Variants in DNMT3A observed in about 807,000 individuals in gnomAD.
DNMT3A encodes the protein DNA (cytosine-5)-methyltransferase 3A.
DNMT3A carries 267 observed loss-of-function variants against 117.6 expected under a neutral mutation model. The ratio of observed to expected loss-of-function variants is 2.27; its 90% CI spans 2.05 to 2.51. DNMT3A has a LOEUF of 2.51. Among genes scored for constraint, DNMT3A ranks in the 30% most tolerant of loss-of-function variants. DNMT3A has a pLI of 0.00. For synonymous variants in DNMT3A, 432 were observed against 474.8 expected, an observed-to-expected ratio of 0.91 and a Z score of 1.17; for missense variants, 1,029 against 1,260.2, an observed-to-expected ratio of 0.82 and a Z score of 2.78.
chr2:25,250,315 G>A (rs1223557377), intron 6 of DNMT3A, among the ~76,000 whole-genome samples: 5 of 152,152 alleles, frequency 3.3e-5, no homozygotes, highest in African/African-American at 1.2e-4. Context: ...GTTTCTTATG[G>A]CGATTCCGAA....
At chr2:25,300,720 T>G (rs1390704021) in intron 2 of DNMT3A, among the ~76,000 whole-genome samples, 35 of 8,868 alleles carry the variant, frequency 3.9e-3, no homozygotes, top group African/African-American at 0.018. Context: ...ATAATATATA[T>G]ATATATATAT....
chr2:25,297,395 CA>C (rs2149401497), intron 3 of DNMT3A, among the ~76,000 whole-genome samples: 1 of 152,256 alleles, frequency 6.6e-6, no homozygotes, highest in Admixed American at 6.5e-5. Flanking sequence ...CCCCGCCTCC[CA>C]GGGCTGCTGA....
At chr2:25,251,728 G>A (rs1675589050) in intron 6 of DNMT3A, among the ~76,000 whole-genome samples, 1 of 152,216 alleles carries the variant, frequency 6.6e-6, no homozygotes, top group African/African-American at 2.4e-5. Context: ...CCAGGAACTC[G>A]CAGGAGAGGA....
chr2:25,325,835 G>A (rs908752873), intron 1 of DNMT3A, among the ~76,000 whole-genome samples: 2 of 152,134 alleles, frequency 1.3e-5, no homozygotes, highest in African/African-American at 4.8e-5. Context: ...TCTTAAGAAC[G>A]TCCATGCCCA....
At chr2:25,272,234 G>A (rs146292510) in intron 6 of DNMT3A, among the ~76,000 whole-genome samples, 3 of 152,336 alleles carry the variant, frequency 2.0e-5, no homozygotes, top group East Asian at 1.9e-4. Flanking sequence ...TGATCCACCC[G>A]CCTCGGCCTC....
chr2:25,301,732 A>C (rs967439344), intron 2 of DNMT3A, among the ~76,000 whole-genome samples: 1 of 152,178 alleles, frequency 6.6e-6, no homozygotes, highest in African/African-American at 2.4e-5. Context: ...CAGATGGGCC[A>C]CAGGCTGCTC....
At chr2:25,341,626 T>C (rs1279449145) in intron 1 of DNMT3A, among the ~76,000 whole-genome samples, 200 bp downstream of exon 1, 2 of 144,442 alleles carry the variant, frequency 1.4e-5, no homozygotes, top group African/African-American at 5.0e-5. Flanking sequence ...AACCCTCAAA[T>C]CCCCCGCGCC....
At chr2:25,242,291 T>G (rs935460505) in intron 16 of DNMT3A, among the ~76,000 whole-genome samples, 1 of 152,030 alleles carries the variant, frequency 6.6e-6, no homozygotes, top group African/African-American at 2.4e-5. Flanking sequence ...CCTCCTTCAT[T>G]GTGCTTCCCC....
At chr2:25,301,063 G>A (rs766468781) in intron 2 of DNMT3A, among the ~76,000 whole-genome samples, 1 of 151,386 alleles carries the variant, frequency 6.6e-6, no homozygotes, top group Non-Finnish European at 1.5e-5. Context: ...GAGGTCAGGA[G>A]ATTGAGACCA....
chr2:25,235,073 A>T (rs1407932023), intron 22 of DNMT3A, among the ~76,000 whole-genome samples: 2 of 152,144 alleles, frequency 1.3e-5, no homozygotes, highest in Non-Finnish European at 2.9e-5. Flanking sequence ...TTGGTTTACA[A>T]AAGACCTATA....
At chr2:25,336,845 G>A (rs1339820993) in intron 1 of DNMT3A, among the ~76,000 whole-genome samples, 1 of 152,148 alleles carries the variant, frequency 6.6e-6, no homozygotes, top group Non-Finnish European at 1.5e-5. Context: ...CCCCACTTCT[G>A]TGCTCTGGGG....
chr2:25,340,549 G>A (rs1056442254), intron 1 of DNMT3A, among the ~76,000 whole-genome samples: 12 of 152,054 alleles, frequency 7.9e-5, no homozygotes, highest in African/African-American at 2.7e-4. Flanking sequence ...TGGGGGAGGG[G>A]AACTGGGGTG....
chr2:25,252,209 C>G lies in DNMT3A; in HGVS notation c.640-3957G>C. On this transcript the variant is annotated intron_variant, in intron 6 of 22. Coordinates refer to ENST00000321117, the MANE Select transcript of DNMT3A (RefSeq NM_022552.5). This position sits in a 1 kb window ranked among gnomAD's most constrained non-coding sequence, Gnocchi z 5.5. Reference sequence around the variant, plus strand: ...AGGAACCTACCCATAAGGCCAGGTGCAGCCCCTCTGCAGTCGCGCTCAGGT... The same window carrying G: ...AGGAACCTACCCATAAGGCCAGGTGGAGCCCCTCTGCAGTCGCGCTCAGGT... 1 of 1,562,592 alleles carries G rather than the reference C, an allele frequency of 6.4e-7. No individual in the cohort carries two copies. The highest frequency in any genetic ancestry group is 1.2e-5 in the South Asian group (1 of 84,274).
intron 6 of DNMT3A, among the ~76,000 whole-genome samples, chr2:25,274,048 C>A (rs1157510033): frequency 6.6e-6 from 1 of 152,204 alleles, no homozygotes; most frequent in Non-Finnish European, 1.5e-5. Flanking sequence ...CTCTGTCGCC[C>A]GTACTTCCCT....
intron 1 of DNMT3A, among the ~76,000 whole-genome samples, chr2:25,338,748 GC>G (rs2035304533): frequency 6.6e-6 from 1 of 152,196 alleles, no homozygotes. Context: ...TCCCCCGAGT[GC>G]AGGCCTGGCT....
rs1672948155 is a variant in DNMT3A at position 25,232,965 on chromosome 2, G to GA, written c.*1313dup. The stretch of plus-strand genomic sequence containing the variant: ...AACACACAAAAGGCGACTTAGACAG[G>GA]AAAGCACCAGTACGTTTTGTATGTT... On this transcript the variant is annotated 3_prime_UTR_variant, in exon 23 of 23. Transcript: ENST00000321117. The surrounding 1 kb of genome is among the most constrained non-coding windows in gnomAD (Gnocchi z 4.1). The GA allele has an allele frequency of 4.3e-6, 1 of 232,694 alleles. No homozygotes were observed. Among genetic ancestry groups the GA allele is most frequent in the Non-Finnish European group, 8.5e-6 (1 of 117,724 alleles). 14.4% of individuals were successfully genotyped at this position (232,694 alleles called of 1,614,324 possible). A position where few individuals can be genotyped will look rare whatever the true frequency, so the allele number is the denominator to read the frequency against.
At position 25,241,698 on chromosome 2, in the gene DNMT3A, A is replaced by T; in HGVS notation, c.1946T>A (p.Val649Glu). The T allele has an allele frequency of 6.2e-7, 1 of 1,613,772 alleles. No individual in the cohort carries two copies. Among genetic ancestry groups the T allele is most frequent in the Non-Finnish European group, 8.5e-7 (1 of 1,179,902 alleles). Residue 649 changes from valine (V) to glutamate (E), a missense_variant, in exon 17 of 23, where the codon GTG becomes GAG. By Grantham distance (121) the Val-to-Glu change is moderately radical. Transcript: ENST00000321117. ...CACCTGAATGCCCAAGTCCTTCAGC[A>T]CCAGGAGCCCTGCACCAGCCAGCAG... Reference protein sequence around the residue: ...LFDGIATGLLVLKDLGIQVDR... With the variant: ...LFDGIATGLLELKDLGIQVDR...
rs1322352277 is a variant in DNMT3A, at chr2:25,298,530, T to A, written c.177+1609A>T. Reference sequence around the variant, plus strand: ...GGACAGGGGGAGTTTGCTTAGCATATTGCACGTTGCCAAGCCTCAGGAGAG... The same window carrying A: ...GGACAGGGGGAGTTTGCTTAGCATAATGCACGTTGCCAAGCCTCAGGAGAG... On this transcript the variant is annotated intron_variant, in intron 3 of 22. Coordinates refer to ENST00000321117, the MANE Select transcript of DNMT3A (RefSeq NM_022552.5). The surrounding 1 kb of genome is among the most constrained non-coding windows in gnomAD (Gnocchi z 4.3). Among the ~76,000 whole-genome samples, 3 of 152,164 alleles carry A rather than the reference T, an allele frequency of 2.0e-5. No homozygotes were observed. The highest frequency in any genetic ancestry group is 7.2e-5 in the African/African-American group (3 of 41,430).
intron 6 of DNMT3A, among the ~76,000 whole-genome samples, chr2:25,258,219 G>C (rs1676325501): frequency 6.6e-6 from 1 of 152,248 alleles, no homozygotes; most frequent in Non-Finnish European, 1.5e-5. Flanking sequence ...AAAAGCAAAA[G>C]GGTCACCATG....
Sources: allele counts gnomAD v4.1 joint callset (sites outside exome capture counted in the v4.1 genomes callset), GRCh38; gene constraint gnomAD v4.1.1; non-coding constraint Gnocchi (gnomAD v3.1); transcripts MANE v1.5; gene names NCBI Gene and HGNC (gene_info 2026-07-23, HGNC 2026-07-21).